Variants in DCDC1 observed in about 807,000 individuals in gnomAD.
The protein encoded by DCDC1 is doublecortin domain-containing protein 1.
Under a neutral mutation model 178.3 loss-of-function variants are expected in DCDC1, and 200 were observed. That is an observed-to-expected ratio of 1.12 (90% CI 1.00 to 1.26). The LOEUF is 1.26. Ranked by LOEUF, DCDC1 falls within the 50% of genes most tolerant of loss-of-function variation. The pLI is 0.00. For synonymous variants in DCDC1, 690 were observed against 604.8 expected (o/e 1.14, Z -2.07); for missense variants, 1,983 against 1,749.2 (o/e 1.13, Z -2.38).
At chr11:31,272,173 A>C (rs976182309) in intron 7 of DCDC1, among the ~76,000 whole-genome samples, 2 of 151,956 alleles carry the variant, frequency 1.3e-5, no homozygotes, top group Non-Finnish European at 2.9e-5. Flanking sequence ...AAAAAAAAAA[A>C]AAAACCACCA....
At chr11:31,328,570 G>A (rs1003918205) in intron 2 of DCDC1, among the ~76,000 whole-genome samples, 2 of 152,014 alleles carry the variant, frequency 1.3e-5, no homozygotes, top group East Asian at 1.9e-4. Context: ...AGGCCAAGGC[G>A]GGCGGATCAC....
chr11:31,031,933 A>G (rs1271339064), intron 20 of DCDC1, among the ~76,000 whole-genome samples: 1 of 152,192 alleles, frequency 6.6e-6, no homozygotes, highest in African/African-American at 2.4e-5. Context: ...AGACATTTTA[A>G]TATGTTTGAT....
chr11:31,037,362 T>C (rs1954110619), intron 20 of DCDC1, among the ~76,000 whole-genome samples: 1 of 152,142 alleles, frequency 6.6e-6, no homozygotes, highest in African/African-American at 2.4e-5. Flanking sequence ...TTAACATTTG[T>C]TTGTTTTTGC....
At position 30,892,888 on chromosome 11, in the gene DCDC1, C is replaced by T. The variant is rs545497859; in HGVS notation, c.5012G>A (p.Arg1671Gln). ...GCCTCCATTTAGATAAATCCACACT[C>T]GTTTTGTGTTGGGCTGCTTATACAG... ...SNLYKQPNTK[R>Q]VWIYLNGGRP... Residue 1671 changes from arginine (R) to glutamine (Q), a missense_variant, in exon 36 of 39, where the codon CGA becomes CAA. By Grantham distance (43) the Arg-to-Gln change is conservative. Coordinates refer to ENST00000684477, the MANE Select transcript of DCDC1 (RefSeq NM_001387274.1). The T allele has an allele frequency of 1.7e-4, 281 of 1,613,742 alleles. No individual in the cohort carries two copies. Among genetic ancestry groups the T allele is most frequent in the Non-Finnish European group, 2.3e-4 (268 of 1,179,836 alleles).
chr11:30,957,244 A>T (rs1322260934), intron 20 of DCDC1, among the ~76,000 whole-genome samples: 1 of 152,056 alleles, frequency 6.6e-6, no homozygotes, highest in African/African-American at 2.4e-5. Flanking sequence ...TCTGACATGG[A>T]AAAAAGAACC....
intron 7 of DCDC1, among the ~76,000 whole-genome samples, chr11:31,273,370 C>T (rs1284630977): frequency 6.6e-6 from 1 of 152,176 alleles, no homozygotes; most frequent in Non-Finnish European, 1.5e-5. Context: ...TTAGAAGTTT[C>T]TTCCACCAGA....
intron 9 of DCDC1, among the ~76,000 whole-genome samples, chr11:31,225,814 C>A (rs774067201): frequency 4.0e-5 from 6 of 150,998 alleles, no homozygotes; most frequent in Admixed American, 1.3e-4. Flanking sequence ...ATTTGGCTTA[C>A]AGAAATGTTT....
At chr11:31,309,138 ATGTT>A (rs202202569) in intron 3 of DCDC1, among the ~76,000 whole-genome samples, 239 of 55,410 alleles carry the variant, frequency 4.3e-3, no homozygotes, top group African/African-American at 0.012. Context: ...GGGAAAATAG[ATGTT>A]TGTGTGTGTG....
intron 20 of DCDC1, among the ~76,000 whole-genome samples, chr11:31,059,380 C>T (rs1449121197): frequency 1.3e-5 from 2 of 151,920 alleles, no homozygotes; most frequent in South Asian, 2.1e-4. Flanking sequence ...AATCAAAAAA[C>T]AAAATTATAC....
At chr11:30,943,111 T>C (rs1259531330) in intron 21 of DCDC1, 1 of 152,156 alleles carries the variant, frequency 6.6e-6, no homozygotes, top group Non-Finnish European at 1.5e-5. Context: ...TTTCTCTGTG[T>C]TCACACTGCT....
intron 20 of DCDC1, among the ~76,000 whole-genome samples, chr11:31,021,330 C>T (rs979208017): frequency 6.6e-6 from 1 of 152,160 alleles, no homozygotes; most frequent in African/African-American, 2.4e-5. Context: ...ACAACCTCAA[C>T]GTTCACCATT....
At chr11:31,149,663 C>G (rs1263047943) in intron 9 of DCDC1, among the ~76,000 whole-genome samples, 1 of 152,028 alleles carries the variant, frequency 6.6e-6, no homozygotes, top group African/African-American at 2.4e-5. Context: ...GGCTTTATTC[C>G]TGAAGTCACC....
intron 18 of DCDC1, 127 bp downstream of exon 18, chr11:31,077,738 T>C (rs532189628): frequency 4.3e-4 from 199 of 461,570 alleles, no homozygotes; most frequent in Non-Finnish European, 6.9e-4. Context: ...TCTAAATTTC[T>C]AGGTACAGAG....
chr11:30,922,708 G>A, intron 23 of DCDC1, 70 bp from the exon 24 acceptor site: 1 of 1,373,320 alleles, frequency 7.3e-7, no homozygotes, highest in South Asian at 1.7e-5. Context: ...AATCTAAACT[G>A]GAAACAATTA....
intron 7 of DCDC1, among the ~76,000 whole-genome samples, chr11:31,265,973 C>T (rs1431469831): frequency 1.3e-5 from 2 of 150,350 alleles, no homozygotes; most frequent in Non-Finnish European, 3.0e-5. Flanking sequence ...CTTTAGAACT[C>T]TGAGGGATTT....
intron 1 of DCDC1, among the ~76,000 whole-genome samples, chr11:31,355,174 T>C (rs1274720768): frequency 1.3e-5 from 2 of 152,030 alleles, no homozygotes; most frequent in African/African-American, 4.8e-5. Context: ...ACTTGAAGAG[T>C]GTGAAGAATA....
chr11:31,036,409 T>A (rs781131340), intron 20 of DCDC1, among the ~76,000 whole-genome samples: 1 of 152,198 alleles, frequency 6.6e-6, no homozygotes, highest in Admixed American at 6.5e-5. Context: ...ATAATCATCA[T>A]CAGTATCATT....
intron 9 of DCDC1, among the ~76,000 whole-genome samples, chr11:31,217,360 A>G (rs758544239): frequency 6.6e-6 from 1 of 152,182 alleles, no homozygotes; most frequent in African/African-American, 2.4e-5. Context: ...TTTTTAAAAA[A>G]CTAAGTTTTT....
At chr11:31,148,109 G>A (rs915616205) in intron 9 of DCDC1, among the ~76,000 whole-genome samples, 15 of 150,618 alleles carry the variant, frequency 1.0e-4, no homozygotes, top group African/African-American at 3.7e-4. Context: ...CCTGATCATG[G>A]CAGAATATCT....
Sources: allele counts gnomAD v4.1 joint callset (sites outside exome capture counted in the v4.1 genomes callset), GRCh38; gene constraint gnomAD v4.1.1; transcripts MANE v1.5; gene names NCBI Gene and HGNC (gene_info 2026-07-23, HGNC 2026-07-21).